Variants in XKR4 observed in about 807,000 individuals in gnomAD.
XKR4 encodes XK-related protein 4.
Under a neutral mutation model 53.9 loss-of-function variants are expected in XKR4, and 12 were observed. The observed-to-expected ratio is 0.22, with a 90% CI of 0.14 to 0.36. The LOEUF is 0.36. Ranked by LOEUF, XKR4 falls within the 10% of genes least tolerant of loss-of-function variation. The pLI is 1.00. For missense variants in XKR4, 799 were observed against 859.5 expected, an observed-to-expected ratio of 0.93 and a Z score of 0.88; for synonymous variants, 354 against 362.4, an observed-to-expected ratio of 0.98 and a Z score of 0.26.
chr8:55,176,109 G>T (rs1033810467), intron 1 of XKR4, among the ~76,000 whole-genome samples: 1 of 152,120 alleles, frequency 6.6e-6, no homozygotes, highest in Non-Finnish European at 1.5e-5. Flanking sequence ...TCATAGATAC[G>T]CAGGTGACCT....
rs189939566 is a variant in XKR4, at chr8:55,359,251, G to C, written c.1006+1374G>C. Among the ~76,000 whole-genome samples the C allele has an allele frequency of 9.2e-5, 14 of 152,320 alleles. No homozygotes were observed. In the East Asian group the frequency reaches 2.7e-3, roughly 29 times the overall value. On this transcript the variant is annotated intron_variant, in intron 2 of 2. Coordinates refer to ENST00000327381, the MANE Select transcript of XKR4 (RefSeq NM_052898.2). ...CTGGTGGTTGAAGACCATGAGCTGG[G>C]CATGCAGAGGCCTGGGCTCTGGCTG...
chr8:55,450,148 A>C (rs1382505504), intron 2 of XKR4: 2 of 681,246 alleles, frequency 2.9e-6, no homozygotes, highest in Non-Finnish European at 5.4e-6. Context: ...CAACCTCTGC[A>C]GGCGTGAGAT....
chr8:55,419,070 G>A (rs1443634522), intron 2 of XKR4, among the ~76,000 whole-genome samples: 1 of 152,026 alleles, frequency 6.6e-6, no homozygotes, highest in African/African-American at 2.4e-5. Flanking sequence ...ATATGTTCCA[G>A]CCTCGAATAA....
rs1160214413 is a variant in XKR4, at chr8:55,523,340, G to GC, written c.1069dup (p.Leu357ProfsTer7). 6.2e-7 allele frequency: 1 copy of GC among 1,614,104 alleles called. No individual in the cohort carries two copies. Among genetic ancestry groups the GC allele is most frequent in the East Asian group, 2.2e-5 (1 of 44,868 alleles). On this transcript the variant is annotated frameshift_variant, in exon 3 of 3. Coordinates refer to ENST00000327381, the MANE Select transcript of XKR4 (RefSeq NM_052898.2). LOFTEE classifies it high-confidence loss of function. ...CTGGGCCTTGGCCTCCTACCAGAAG[G>GC]CCCTCCGGGACTCTCGAGATGACAA...
intron 1 of XKR4, among the ~76,000 whole-genome samples, chr8:55,194,269 C>T (rs552949999): frequency 2.0e-4 from 31 of 152,306 alleles, no homozygotes; most frequent in Middle Eastern, 6.8e-3. Context: ...TGGAGACGTT[C>T]CTGAAATATT....
chr8:55,191,271 A>G (rs1439511546), intron 1 of XKR4, among the ~76,000 whole-genome samples: 1 of 152,102 alleles, frequency 6.6e-6, no homozygotes, highest in Non-Finnish European at 1.5e-5. Context: ...TCTCCTCCCA[A>G]ATCGTGCAAC....
At chr8:55,154,604 T>C (rs1816881065) in intron 1 of XKR4, among the ~76,000 whole-genome samples, 1 of 152,218 alleles carries the variant, frequency 6.6e-6, no homozygotes, top group Non-Finnish European at 1.5e-5. Flanking sequence ...TCCTGGGCTT[T>C]AGACTTTGAC....
At position 55,377,785 on chromosome 8, in the gene XKR4, G is replaced by A. The variant is rs186106989; in HGVS notation, c.1006+19908G>A. 1.8e-3 allele frequency among the ~76,000 whole-genome samples: 274 copies of A among 152,324 alleles called. 1 individual carries two copies. Among genetic ancestry groups the A allele is most frequent in the Non-Finnish European group, 3.4e-3 (228 of 68,036 alleles). ...CATCTATAGGCTGTGCCTGCGCCTTGTGAATACAGGAGAAAATATGAACAG... is the reference window on the plus strand; with the variant it reads ...CATCTATAGGCTGTGCCTGCGCCTTATGAATACAGGAGAAAATATGAACAG... On this transcript the variant is annotated intron_variant, in intron 2 of 2. Coordinates refer to ENST00000327381, the MANE Select transcript of XKR4 (RefSeq NM_052898.2).
intron 2 of XKR4, among the ~76,000 whole-genome samples, chr8:55,429,336 C>T (rs1805064588): frequency 6.6e-6 from 1 of 152,088 alleles, no homozygotes; most frequent in South Asian, 2.1e-4. Flanking sequence ...GAAGATAATA[C>T]TGATGAAAAC....
At chr8:55,482,153 C>G (rs1453754503) in intron 2 of XKR4, among the ~76,000 whole-genome samples, 2 of 152,070 alleles carry the variant, frequency 1.3e-5, no homozygotes, top group Non-Finnish European at 2.9e-5. Flanking sequence ...ACCCAAATGT[C>G]CAACAATGAT....
intron 1 of XKR4, among the ~76,000 whole-genome samples, chr8:55,176,497 G>T: frequency 6.6e-6 from 1 of 152,178 alleles, no homozygotes; most frequent in East Asian, 1.9e-4. Flanking sequence ...AAACTTTCCA[G>T]TTAAATCTTA....
At chr8:55,163,843 T>G (rs1377299511) in intron 1 of XKR4, among the ~76,000 whole-genome samples, 1 of 152,088 alleles carries the variant, frequency 6.6e-6, no homozygotes, top group Admixed American at 6.5e-5. Context: ...AGACTCCGTC[T>G]CAAAAATAAA....
At chr8:55,451,441 GC>G in intron 2 of XKR4, 1 of 1,220,534 alleles carries the variant, frequency 8.2e-7, no homozygotes, top group Non-Finnish European at 1.2e-6. Context: ...GCTGACAACA[GC>G]CTGCAGGTAC....
intron 1 of XKR4, among the ~76,000 whole-genome samples, chr8:55,356,919 C>A (rs963133431): frequency 1.3e-5 from 2 of 152,146 alleles, no homozygotes; most frequent in African/African-American, 4.8e-5. Flanking sequence ...TCCACTTCAA[C>A]TTAATAGATA....
intron 2 of XKR4, among the ~76,000 whole-genome samples, chr8:55,502,092 A>G (rs1215293136): frequency 6.6e-6 from 1 of 152,206 alleles, no homozygotes; most frequent in Admixed American, 6.5e-5. Flanking sequence ...CATTTTGAGT[A>G]CAGAGACAAC....
rs578069959 is a variant in XKR4 at position 55,499,547 on chromosome 8, G to C, written c.1007-23734G>C. Among the ~76,000 whole-genome samples the C allele has an allele frequency of 5.3e-5, 8 of 152,280 alleles. No homozygotes were observed. The East Asian group carries it at 1.5e-3, about 29-fold the overall frequency. On this transcript the variant is annotated intron_variant, in intron 2 of 2. Coordinates refer to ENST00000327381, the MANE Select transcript of XKR4 (RefSeq NM_052898.2). ...AGTTAGGAACCTGAAAAGTGTTCCA[G>C]AAGTGTGGTCTGTTAACAGGCAGAG...
At chr8:55,267,723 A>G (rs1441039461) in intron 1 of XKR4, among the ~76,000 whole-genome samples, 2 of 152,134 alleles carry the variant, frequency 1.3e-5, no homozygotes, top group Non-Finnish European at 2.9e-5. Flanking sequence ...TGACTATAAT[A>G]ATTTTACAAT....
intron 1 of XKR4, chr8:55,161,788 A>AAAACTGTG: frequency 2.8e-6 from 1 of 358,946 alleles, no homozygotes; most frequent in Non-Finnish European, 5.5e-6. Flanking sequence ...CACAGGTTAC[A>AAAACTGTG]AAACTGTGCT....
intron 1 of XKR4, among the ~76,000 whole-genome samples, chr8:55,106,695 G>A (rs907002642): frequency 5.3e-5 from 8 of 152,166 alleles, no homozygotes; most frequent in African/African-American, 1.4e-4. Context: ...TTTCTCCTAT[G>A]TATGTATGTA....
Sources: allele counts gnomAD v4.1 joint callset (sites outside exome capture counted in the v4.1 genomes callset), GRCh38; gene constraint gnomAD v4.1.1; transcripts MANE v1.5; gene names NCBI Gene and HGNC (gene_info 2026-07-23, HGNC 2026-07-21).